ANO1: variants seen among roughly 807,000 people sequenced by gnomAD.
ANO1 encodes anoctamin-1.
Under a neutral mutation model 124.0 loss-of-function variants are expected in ANO1, and 59 were observed. That is an observed-to-expected ratio of 0.48 (90% confidence interval 0.39 to 0.59). ANO1 has a LOEUF of 0.59. Ranked by LOEUF, ANO1 falls within the 20% of genes least tolerant of loss-of-function variation. The pLI is 0.00. For missense variants in ANO1, 1,059 were observed against 1,328.0 expected, an observed-to-expected ratio of 0.80 and a Z score of 3.15; for synonymous variants, 529 against 532.0, an observed-to-expected ratio of 0.99 and a Z score of 0.08.
chr11:70,033,565 C>A (rs993350843), intron 1 of ANO1, among the ~76,000 whole-genome samples: 9 of 152,194 alleles, frequency 5.9e-5, no homozygotes, highest in Admixed American at 3.9e-4. Flanking sequence ...TTCTCTTCTC[C>A]CTGTGGCCTT....
chr11:70,102,648 G>T (rs1221836929), intron 2 of ANO1, among the ~76,000 whole-genome samples: 1 of 152,184 alleles, frequency 6.6e-6, no homozygotes, highest in East Asian at 1.9e-4. Context: ...CACTGCTCAG[G>T]GACCCACAGG....
intron 4 of ANO1, among the ~76,000 whole-genome samples, chr11:70,104,437 G>A (rs559974958): frequency 7.9e-5 from 12 of 152,012 alleles, no homozygotes; most frequent in Admixed American, 5.2e-4. Flanking sequence ...CTTCCCACCC[G>A]CTCCGCACCC....
chr11:70,042,515 G>C (rs372781813), intron 1 of ANO1, among the ~76,000 whole-genome samples: 43 of 144,508 alleles, frequency 3.0e-4, no homozygotes, highest in African/African-American at 6.5e-4. Flanking sequence ...CATATACACA[G>C]AGAGAGAGAG....
At chr11:70,155,756 C>A (rs879747425) in intron 14 of ANO1, among the ~76,000 whole-genome samples, 155 bp from the exon 15 acceptor site, 1 of 152,196 alleles carries the variant, frequency 6.6e-6, no homozygotes, top group Non-Finnish European at 1.5e-5. Context: ...GTTTAAAACG[C>A]CCAGAACCCG....
chr11:70,011,370 CT>C (rs1856596065), intron 1 of ANO1, among the ~76,000 whole-genome samples: 1 of 152,172 alleles, frequency 6.6e-6, no homozygotes, highest in Admixed American at 6.5e-5. Context: ...CCATCTCTGC[CT>C]GTCTGACCTT....
intron 11 of ANO1, among the ~76,000 whole-genome samples, chr11:70,134,217 GCT>G (rs2046868984): frequency 1.3e-5 from 2 of 152,322 alleles, no homozygotes; most frequent in South Asian, 4.1e-4. Flanking sequence ...GTCGCCAGCA[GCT>G]CTGTTTCCTC....
At chr11:70,031,516 G>A (rs1857000668) in intron 1 of ANO1, among the ~76,000 whole-genome samples, 1 of 152,162 alleles carries the variant, frequency 6.6e-6, no homozygotes, top group Non-Finnish European at 1.5e-5. Context: ...CCTTGCCTCT[G>A]GTTGCCCTGG....
In ANO1 at chr11:70,116,444, T is replaced by C. The variant is rs1455568154; in HGVS notation, c.856-14T>C. On this transcript the variant is annotated splice_polypyrimidine_tract_variant and intron_variant, in intron 7 of 25. Transcript: ENST00000355303. ...TTGGATGATAAGAACGTCCCTTTCC[T>C]CTTTTTTTAACAGGGAGACTACAAC... The C allele has an allele frequency of 3.1e-6, 5 of 1,593,412 alleles. No individual in the cohort carries two copies. The African/African-American group carries it at 6.7e-5, about 21-fold the overall frequency.
chr11:70,165,094 C>T (rs182377678), intron 19 of ANO1, among the ~76,000 whole-genome samples: 22 of 152,248 alleles, frequency 1.4e-4, no homozygotes, highest in Non-Finnish European at 2.8e-4. Context: ...TAGGGGAGGA[C>T]CTGCCTTGCC....
At chr11:70,026,532 CAAT>C (rs1555003251) in intron 1 of ANO1, among the ~76,000 whole-genome samples, 1 of 147,818 alleles carries the variant, frequency 6.8e-6, no homozygotes. Context: ...GTGGTGATGA[CAAT>C]GATGATGATA....
At chr11:70,047,200 A>C (rs2135071563) in intron 1 of ANO1, among the ~76,000 whole-genome samples, 1 of 152,246 alleles carries the variant, frequency 6.6e-6, no homozygotes, top group East Asian at 1.9e-4. Context: ...TAAGGCTTTA[A>C]TAATAATATA....
At chr11:70,059,946 T>C (rs1307247681) in intron 1 of ANO1, among the ~76,000 whole-genome samples, 3 of 134,932 alleles carry the variant, frequency 2.2e-5, no homozygotes, top group African/African-American at 8.1e-5. Context: ...GTGGAGGCGT[T>C]GGCCTTTTTT....
In ANO1 at chr11:70,108,591, C is replaced by T. The variant is rs967078109; in HGVS notation, c.799+187C>T. ...TGCAGGGCAGTTTTATGGCCCAGCA[C>T]TTTTAAACACAAATGTATCCTTCAC... On this transcript the variant is annotated intron_variant, in intron 6 of 25. Coordinates refer to ENST00000355303, the MANE Select transcript of ANO1 (RefSeq NM_018043.7). Among the ~76,000 whole-genome samples the T allele has an allele frequency of 4.6e-5, 7 of 152,226 alleles. 1 individual carries two copies. The Middle Eastern group carries it at 0.014, about 296-fold the overall frequency.
chr11:69,971,356 T>A, the ANO1 span, among the ~76,000 whole-genome samples: 1 of 152,080 alleles, frequency 6.6e-6, no homozygotes, highest in Admixed American at 6.5e-5. Context: ...GGACAGAGAG[T>A]TTTGTGTGTT....
intron 22 of ANO1, among the ~76,000 whole-genome samples, chr11:70,172,106 A>C (rs2048494327): frequency 1.4e-5 from 2 of 145,590 alleles, no homozygotes; most frequent in Non-Finnish European, 3.0e-5. Context: ...GGCAACAGAG[A>C]GAGAACCTGT....
chr11:70,180,475 G>A (rs764524709), intron 23 of ANO1, among the ~76,000 whole-genome samples: 32 of 152,270 alleles, frequency 2.1e-4, no homozygotes, highest in Middle Eastern at 3.4e-3. Context: ...GTTTTGACAT[G>A]TTGACCAGGC....
At chr11:70,088,665 C>G (rs1486213459) in intron 2 of ANO1, among the ~76,000 whole-genome samples, 1 of 152,212 alleles carries the variant, frequency 6.6e-6, no homozygotes, top group East Asian at 1.9e-4. Flanking sequence ...GCCTTCACAG[C>G]CATGACCTTC....
intron 1 of ANO1, among the ~76,000 whole-genome samples, chr11:69,988,976 G>A (rs1243825033): frequency 6.6e-6 from 1 of 151,964 alleles, no homozygotes; most frequent in Non-Finnish European, 1.5e-5. Flanking sequence ...AGACAGGGAA[G>A]GAGGGAAGTA....
intron 1 of ANO1, among the ~76,000 whole-genome samples, chr11:70,006,663 C>CTTTTTTTTTTTTTTTTTTTTTTTTTT (rs56851839): frequency 2.2e-5 from 2 of 88,994 alleles, no homozygotes; most frequent in Admixed American, 1.6e-4. Flanking sequence ...TTTCTTCTTT[C>CTTTTTTTTTTTTTTTTTTTTTTTTTT]TTTTTTTTTT....
Sources: allele counts gnomAD v4.1 joint callset (sites outside exome capture counted in the v4.1 genomes callset), GRCh38; gene constraint gnomAD v4.1.1; transcripts MANE v1.5; gene names NCBI Gene and HGNC (gene_info 2026-07-23, HGNC 2026-07-21).